NTN1: variants seen among roughly 807,000 people sequenced by gnomAD.
NTN1 encodes netrin-1.
A neutral mutation model predicts 54.2 loss-of-function variants in NTN1; 11 were observed. That is an observed-to-expected ratio of 0.20 (90% CI 0.13 to 0.34). The LOEUF (loss-of-function observed/expected upper bound fraction) is 0.34, where lower values mean the gene tolerates loss of function less well. Among genes scored for constraint, NTN1 ranks in the 10% least tolerant of loss-of-function variants. NTN1 has a pLI of 1.00. For synonymous variants in NTN1, 371 were observed against 382.0 expected, an observed-to-expected ratio of 0.97 and a Z score of 0.33; for missense variants, 740 against 893.1, an observed-to-expected ratio of 0.83 and a Z score of 2.18.
At chr17:9,197,403 A>C (rs1442474710) in intron 5 of NTN1, among the ~76,000 whole-genome samples, 2 of 152,152 alleles carry the variant, frequency 1.3e-5, no homozygotes, top group Non-Finnish European at 2.9e-5. Flanking sequence ...TCACACCTGT[A>C]ATCCCAGCAC....
intron 5 of NTN1, among the ~76,000 whole-genome samples, chr17:9,217,878 C>CAAAAAAAAAAAAAAAAA (rs1555577529): frequency 1.7e-5 from 2 of 116,078 alleles, no homozygotes; most frequent in Non-Finnish European, 3.5e-5. Context: ...AAAAAAAAAG[C>CAAAAAAAAAAAAAAAAA]AAACGCAACT....
chr17:9,095,976 T>C (rs966143871), intron 2 of NTN1, among the ~76,000 whole-genome samples: 2 of 151,930 alleles, frequency 1.3e-5, no homozygotes. Context: ...TTGTATTTTT[T>C]AGTAGAGATG....
chr17:9,222,941 G>A (rs1241474609), intron 6 of NTN1, among the ~76,000 whole-genome samples: 1 of 152,186 alleles, frequency 6.6e-6, no homozygotes, highest in Non-Finnish European at 1.5e-5. Flanking sequence ...ACACACTGAA[G>A]CCAGGGTAAG....
At chr17:9,017,502 C>T (rs1465261036), upstream of NTN1, among the ~76,000 whole-genome samples, 1 of 152,206 alleles carries the variant, frequency 6.6e-6, no homozygotes, top group African/African-American at 2.4e-5. Flanking sequence ...TCTATAACAC[C>T]CGAGTCCCCT....
At chr17:9,018,231 C>T (rs1472744123), upstream of NTN1, among the ~76,000 whole-genome samples, 2 of 152,170 alleles carry the variant, frequency 1.3e-5, no homozygotes, top group African/African-American at 2.4e-5. Context: ...TGACCCCGCT[C>T]ATCCTCTCCT....
At chr17:9,093,049 C>G (rs369522201) in intron 2 of NTN1, among the ~76,000 whole-genome samples, 7 of 152,032 alleles carry the variant, frequency 4.6e-5, no homozygotes, top group African/African-American at 1.4e-4. Flanking sequence ...TGAGCCACTG[C>G]GCCCAGCCAA....
rs1567691805 is a variant in NTN1 at position 9,022,658 on chromosome 17, C to T, written c.285C>T (p.Asn95=). The T allele has an allele frequency of 1.9e-6, 3 of 1,567,880 alleles. No individual in the cohort carries two copies. Among genetic ancestry groups the T allele is most frequent in the South Asian group, 1.2e-5 (1 of 85,856 alleles). The change falls in exon 2 of 7, where the codon AAC becomes AAT. Residue 95 remains asparagine, a synonymous_variant. Transcript: ENST00000173229. ...EERLRSCHLC[N]ASDPKKAHPP... ...GGCTGCGCTCGTGCCACCTCTGCAACGCGTCCGACCCCAAGAAGGCGCACC... is the reference window on the plus strand; with the variant it reads ...GGCTGCGCTCGTGCCACCTCTGCAATGCGTCCGACCCCAAGAAGGCGCACC...
intron 5 of NTN1, among the ~76,000 whole-genome samples, chr17:9,190,099 A>G (rs1057359240): frequency 1.3e-5 from 2 of 152,218 alleles, no homozygotes; most frequent in African/African-American, 2.4e-5. Context: ...CATGGCCTGT[A>G]GTAAGTACTC....
intron 2 of NTN1, among the ~76,000 whole-genome samples, chr17:9,044,793 T>G (rs146361803): frequency 6.6e-6 from 1 of 152,112 alleles, no homozygotes; most frequent in Non-Finnish European, 1.5e-5. Flanking sequence ...CTTCCACAGA[T>G]TAAGTGACAA....
At chr17:9,104,810 A>T (rs1323174538) in intron 2 of NTN1, among the ~76,000 whole-genome samples, 2 of 152,172 alleles carry the variant, frequency 1.3e-5, no homozygotes, top group African/African-American at 4.8e-5. Flanking sequence ...GAAGGGAAGG[A>T]TTTCCCACGT....
chr17:9,142,041 C>A (rs9897974), intron 2 of NTN1, among the ~76,000 whole-genome samples: 1 of 152,028 alleles, frequency 6.6e-6, no homozygotes, highest in African/African-American at 2.4e-5. Context: ...GCAGGAGAAT[C>A]GCATGAACCC....
intron 5 of NTN1, among the ~76,000 whole-genome samples, chr17:9,184,849 G>A (rs1391212222): frequency 1.3e-5 from 2 of 152,344 alleles, no homozygotes; most frequent in South Asian, 2.1e-4. Context: ...TAAAACTTCC[G>A]AGGTTCTTGG....
Position 9,242,932 on chromosome 17 carries a change from G to A in NTN1, c.*2964G>A, listed in dbSNP as rs1295463057. The A allele has an allele frequency of 6.6e-6, 1 of 152,258 alleles. No individual in the cohort carries two copies. Among genetic ancestry groups the A allele is most frequent in the Non-Finnish European group, 1.5e-5 (1 of 68,044 alleles). The allele number at this position is 152,258 out of a possible 1,614,324, so 9.4% of individuals were successfully genotyped here. On this transcript the variant is annotated 3_prime_UTR_variant, in exon 7 of 7. Coordinates refer to ENST00000173229, the MANE Select transcript of NTN1 (RefSeq NM_004822.3). ...TACAGTTAGGAAGGGATGTAAAACG[G>A]AACTAGATTTTGATTTTGAAGAGTG...
upstream of NTN1, among the ~76,000 whole-genome samples, chr17:9,018,778 G>T (rs1177117608): frequency 2.0e-5 from 3 of 152,100 alleles, no homozygotes; most frequent in African/African-American, 7.2e-5. Context: ...CTCTTTGCTG[G>T]AATGTCTTTT....
At chr17:9,134,511 A>G (rs1411447067) in intron 2 of NTN1, among the ~76,000 whole-genome samples, 1 of 152,046 alleles carries the variant, frequency 6.6e-6, no homozygotes, top group Admixed American at 6.5e-5. Flanking sequence ...TAACAGAACT[A>G]CTCACGTCAG....
rs2092202389 is a variant in NTN1 at position 9,114,163 on chromosome 17, AAAAAT to A, written c.1019-48648_1019-48644del. ...GGTGCCAAAAAAAAAGAAAAAAAAA[AAAAAT>A]ATATATATATATATATATGATTCAG... On this transcript the variant is annotated intron_variant, in intron 2 of 6. Coordinates refer to ENST00000173229, the MANE Select transcript of NTN1 (RefSeq NM_004822.3). Among the ~76,000 whole-genome samples the A allele has an allele frequency of 6.0e-5, 7 of 115,758 alleles. No individual in the cohort carries two copies. The South Asian group carries it at 8.2e-4, about 14-fold the overall frequency. 75.9% of individuals were successfully genotyped at this position (115,758 alleles called of 152,430 possible). A position where few individuals can be genotyped will look rare whatever the true frequency, so the allele number is the denominator to read the frequency against.
rs148063994 is a variant in NTN1 at position 9,204,928 on chromosome 17, AT to A, written c.1412-16227del. ...CTTTCCATCAGTGCTGTCAACCCTCATTTTTTTTTTTTTCTGAAGATATGTT... is the reference window on the plus strand; with the variant it reads ...CTTTCCATCAGTGCTGTCAACCCTCATTTTTTTTTTTTCTGAAGATATGTT... On this transcript the variant is annotated intron_variant, in intron 5 of 6. Coordinates refer to ENST00000173229, the MANE Select transcript of NTN1 (RefSeq NM_004822.3). Among the ~76,000 whole-genome samples the A allele has an allele frequency of 1.4e-3, 200 of 145,562 alleles. 3 individuals are homozygous for A. In the South Asian group the frequency reaches 0.032, roughly 24 times the overall value.
chr17:9,164,985 G>A (rs1234740217), intron 3 of NTN1, among the ~76,000 whole-genome samples: 1 of 152,198 alleles, frequency 6.6e-6, no homozygotes, highest in East Asian at 1.9e-4. Context: ...TCCTTTGCCT[G>A]TGCCCAGAGT....
chr17:9,092,612 G>C (rs562605499), intron 2 of NTN1, among the ~76,000 whole-genome samples: 1 of 151,872 alleles, frequency 6.6e-6, no homozygotes, highest in South Asian at 2.1e-4. Flanking sequence ...AATTTTTTTT[G>C]AGACAGGGTA....
Sources: gnomAD v4.1 joint callset for allele counts (sites outside exome capture counted in the v4.1 genomes callset) on GRCh38, gnomAD v4.1.1 for gene constraint, MANE v1.5 for transcripts, NCBI Gene and HGNC (gene_info 2026-07-23, HGNC 2026-07-21) for gene names.